TMEM232: variants seen among roughly 807,000 people sequenced by gnomAD.
TMEM232 encodes transmembrane protein 232.
Under a neutral mutation model 78.8 loss-of-function variants are expected in TMEM232, and 80 were observed. That is an observed-to-expected ratio of 1.01 (90% confidence interval 0.85 to 1.22). The LOEUF is 1.22. Among genes scored for constraint, TMEM232 ranks in the 50% most tolerant of loss-of-function variants. TMEM232 has a pLI of 0.00. For synonymous variants in TMEM232, 297 were observed against 254.3 expected, an observed-to-expected ratio of 1.17 and a Z score of -1.60; for missense variants, 881 against 742.2, an observed-to-expected ratio of 1.19 and a Z score of -2.17.
At chr5:110,476,862 A>C (rs534831185) in intron 12 of TMEM232, among the ~76,000 whole-genome samples, 1 of 152,038 alleles carries the variant, frequency 6.6e-6, no homozygotes. Flanking sequence ...ATTTTGAAAA[A>C]GGTTACGATT....
intron 12 of TMEM232, among the ~76,000 whole-genome samples, chr5:110,441,044 CAG>C (rs1462055569): frequency 2.6e-5 from 4 of 152,144 alleles, no homozygotes; most frequent in Non-Finnish European, 4.4e-5. Flanking sequence ...GGAGAAGACT[CAG>C]TGGCTCCTAA....
Position 110,532,981 on chromosome 5 carries a change from C to T in TMEM232, c.1456-4146G>A, listed in dbSNP as rs528012839. 4.6e-5 allele frequency among the ~76,000 whole-genome samples: 7 copies of T among 152,282 alleles called. No homozygotes were observed. The East Asian group carries it at 7.7e-4, about 17-fold the overall frequency. ...GGTTTACAAGTTAGTTCAGGATCTG[C>T]GCCTTATCAACCAAACTGTTTTGCC... On this transcript the variant is annotated intron_variant, in intron 11 of 13. Coordinates refer to ENST00000455884, the MANE Select transcript of TMEM232 (RefSeq NM_001039763.4).
chr5:110,447,630 G>A (rs144949732), intron 12 of TMEM232, among the ~76,000 whole-genome samples: 1 of 152,068 alleles, frequency 6.6e-6, no homozygotes, highest in Non-Finnish European at 1.5e-5. Context: ...TGGAAAGAAG[G>A]TACAGAAAAT....
intron 13 of TMEM232, among the ~76,000 whole-genome samples, chr5:110,421,054 A>T (rs1756583081): frequency 6.6e-6 from 1 of 151,980 alleles, no homozygotes; most frequent in Admixed American, 6.6e-5. Context: ...GTTCTTCATC[A>T]ATATTGGTAT....
chr5:110,592,623 G>A (rs534273481), intron 10 of TMEM232, among the ~76,000 whole-genome samples: 3 of 151,966 alleles, frequency 2.0e-5, no homozygotes, highest in African/African-American at 4.8e-5. Flanking sequence ...GTTCAAGTGC[G>A]AACATAAGAA....
intron 12 of TMEM232, among the ~76,000 whole-genome samples, chr5:110,425,239 T>C (rs1757106799): frequency 6.6e-6 from 1 of 152,076 alleles, no homozygotes; most frequent in South Asian, 2.1e-4. Context: ...AAAAATGATG[T>C]GATTTCAATA....
chr5:110,489,575 G>C (rs1764815414), intron 12 of TMEM232, among the ~76,000 whole-genome samples: 2 of 152,070 alleles, frequency 1.3e-5, no homozygotes, highest in Non-Finnish European at 2.9e-5. Context: ...AAGACTGAAA[G>C]CTTTCCCATT....
chr5:110,713,805 T>G (rs1401571842), intron 1 of TMEM232, among the ~76,000 whole-genome samples: 1 of 152,106 alleles, frequency 6.6e-6, no homozygotes, highest in Non-Finnish European at 1.5e-5. Flanking sequence ...ACTCCCAAGC[T>G]GGGTGGCAGA....
chr5:110,693,950 A>T (rs572167720), intron 1 of TMEM232, among the ~76,000 whole-genome samples: 2 of 152,296 alleles, frequency 1.3e-5, no homozygotes, highest in South Asian at 4.1e-4. Context: ...GGAAATACAG[A>T]GAATGCCACA....
chr5:110,571,511 G>C (rs1245115529), intron 10 of TMEM232, among the ~76,000 whole-genome samples: 2 of 151,642 alleles, frequency 1.3e-5, no homozygotes, highest in Non-Finnish European at 2.9e-5. Flanking sequence ...AGCTAAGGTG[G>C]ACAGTTTATA....
At chr5:110,436,243 A>G (rs1446768174) in intron 12 of TMEM232, among the ~76,000 whole-genome samples, 1 of 151,904 alleles carries the variant, frequency 6.6e-6, no homozygotes, top group African/African-American at 2.4e-5. Flanking sequence ...CCTCTTTGCT[A>G]TTTGTATGTC....
chr5:110,509,776 C>T (rs1166175444), intron 12 of TMEM232, among the ~76,000 whole-genome samples: 1 of 152,058 alleles, frequency 6.6e-6, no homozygotes, highest in Non-Finnish European at 1.5e-5. Flanking sequence ...TCAGTGAACA[C>T]AATGTATGCT....
intron 12 of TMEM232, among the ~76,000 whole-genome samples, chr5:110,455,472 C>T (rs552497159): frequency 4.0e-5 from 6 of 151,514 alleles, no homozygotes; most frequent in African/African-American, 1.5e-4. Flanking sequence ...CCACCTCTTG[C>T]GTTCAAGCCA....
intron 2 of TMEM232, among the ~76,000 whole-genome samples, chr5:110,647,506 T>C (rs1787658363): frequency 6.6e-6 from 1 of 152,000 alleles, no homozygotes; most frequent in African/African-American, 2.4e-5. Flanking sequence ...TATTTTATTG[T>C]GTAAAAATAT....
chr5:110,563,596 AT>A (rs1561695737), intron 11 of TMEM232, among the ~76,000 whole-genome samples: 4 of 151,970 alleles, frequency 2.6e-5, no homozygotes, highest in Non-Finnish European at 5.9e-5. Flanking sequence ...CTGTTCAAAA[AT>A]TAGGCTGTAA....
intron 11 of TMEM232, among the ~76,000 whole-genome samples, chr5:110,532,445 C>A (rs1771665588): frequency 6.6e-6 from 1 of 151,898 alleles, no homozygotes; most frequent in Admixed American, 6.6e-5. Context: ...ACATTACCTT[C>A]TTTTCAAAGG....
intron 5 of TMEM232, 137 bp from the exon 6 acceptor site, chr5:110,628,017 T>G: frequency 2.9e-6 from 2 of 684,696 alleles, no homozygotes; most frequent in Non-Finnish European, 4.9e-6. Flanking sequence ...TTATGTGGTT[T>G]TTAAATAACA....
chr5:110,560,291 C>A (rs1052435946), intron 11 of TMEM232, among the ~76,000 whole-genome samples: 1 of 151,972 alleles, frequency 6.6e-6, no homozygotes, highest in Admixed American at 6.6e-5. Flanking sequence ...CAGTTTTGGA[C>A]AACAAAAGCC....
At chr5:110,510,048 G>C (rs1409765511) in intron 12 of TMEM232, among the ~76,000 whole-genome samples, 5 of 151,574 alleles carry the variant, frequency 3.3e-5, no homozygotes, top group Non-Finnish European at 5.9e-5. Flanking sequence ...TCCATATATT[G>C]AATGGTGACA....
Sources: gnomAD v4.1 joint callset for allele counts (sites outside exome capture counted in the v4.1 genomes callset) on GRCh38, gnomAD v4.1.1 for gene constraint, MANE v1.5 for transcripts, NCBI Gene and HGNC (gene_info 2026-07-23, HGNC 2026-07-21) for gene names.